PRRX2: variants seen among roughly 807,000 people sequenced by gnomAD.
PRRX2 encodes the protein paired related homeobox 2, also known as paired mesoderm homeobox protein 2.
In PRRX2, 11 loss-of-function variants were observed where a neutral mutation model predicts 18.0. The observed-to-expected ratio is 0.61, with a 90% CI of 0.39 to 1.01. The LOEUF (loss-of-function observed/expected upper bound fraction) is 1.01. PRRX2 is among the 50% of genes least tolerant of loss of function. The pLI is 0.01. For missense variants in PRRX2, 387 were observed against 351.0 expected (o/e 1.10, Z -0.82); for synonymous variants, 177 against 154.8 (o/e 1.14, Z -1.06).
At chr9:129,717,636 CAGTG>C (rs1832726795) in intron 1 of PRRX2, among the ~76,000 whole-genome samples, 1 of 140,476 alleles carries the variant, frequency 7.1e-6, no homozygotes, top group Non-Finnish European at 1.5e-5. Context: ...GCAGAGGTTG[CAGTG>C]AGCCAAGATC....
chr9:129,708,428 T>C (rs1048390625), intron 1 of PRRX2, among the ~76,000 whole-genome samples: 3 of 152,232 alleles, frequency 2.0e-5, no homozygotes, highest in African/African-American at 7.2e-5. Flanking sequence ...GCTGATGATT[T>C]TGAGCGTCTT....
chr9:129,666,157 C>T, intron 1 of PRRX2, 31 bp downstream of exon 1: 2 of 515,492 alleles, frequency 3.9e-6, no homozygotes, highest in African/African-American at 4.5e-5. Flanking sequence ...ACGGGGGTGG[C>T]GGGGCCGGGG....
Position 129,665,965 on chromosome 9 carries a change from A to C in PRRX2, c.98A>C (p.Gln33Pro). 2 of 1,133,328 alleles carry C rather than the reference A, an allele frequency of 1.8e-6. No homozygotes were observed. Among genetic ancestry groups the C allele is most frequent in the Non-Finnish European group, 1.1e-6 (1 of 919,788 alleles). The allele number at this position is 1,133,328 out of a possible 1,614,324, so 70.2% of individuals were successfully genotyped here. ...GCGCTGGGGCCCGGCGACTGCGCCC[A>C]GGCGCGCAAGAACTTCTCGGTGAGC... The part of the protein sequence containing the change: ...PPALGPGDCA[Q>P]ARKNFSVSHL... The change falls in exon 1 of 4, where the codon CAG (glutamine) becomes CCG (proline). Residue 33 changes from glutamine (Q) to proline (P), a missense_variant. Transcript: ENST00000372469. This position sits in a 1 kb window ranked among gnomAD's most constrained non-coding sequence, Gnocchi z 5.3.
chr9:129,684,524 C>CCACACA (rs796482215), intron 1 of PRRX2, among the ~76,000 whole-genome samples: 5 of 45,008 alleles, frequency 1.1e-4, no homozygotes, highest in African/African-American at 3.4e-4. Flanking sequence ...ACACACACAC[C>CCACACA]CACACACACC....
intron 1 of PRRX2, among the ~76,000 whole-genome samples, chr9:129,712,681 C>T (rs1443502378): frequency 6.6e-6 from 1 of 152,146 alleles, no homozygotes; most frequent in Non-Finnish European, 1.5e-5. Flanking sequence ...GAGCTCGTTT[C>T]TCTCCTCTGG....
chr9:129,711,298 T>C (rs1268778003), intron 1 of PRRX2, among the ~76,000 whole-genome samples: 1 of 152,092 alleles, frequency 6.6e-6, no homozygotes, highest in Non-Finnish European at 1.5e-5. Context: ...TGTTCCTCAG[T>C]TTCCTCCTAC....
rs1427786989 is a variant in PRRX2, at chr9:129,695,143, G to A, written c.260-24088G>A. Among the ~76,000 whole-genome samples, 1 of 152,158 alleles carries A rather than the reference G, an allele frequency of 6.6e-6. No individual in the cohort carries two copies. Among genetic ancestry groups the A allele is most frequent in the Non-Finnish European group, 1.5e-5 (1 of 68,028 alleles). Reference sequence around the variant, plus strand: ...AGTGGCTGGACCTGGCCAAGGCCAGGGCCTCATGAAGATCCAGGGTCATTC... The same window carrying A: ...AGTGGCTGGACCTGGCCAAGGCCAGAGCCTCATGAAGATCCAGGGTCATTC... On this transcript the variant is annotated intron_variant, in intron 1 of 3. Coordinates refer to ENST00000372469, the MANE Select transcript of PRRX2 (RefSeq NM_016307.4). This position sits in a 1 kb window ranked among gnomAD's most constrained non-coding sequence, Gnocchi z 4.8.
At position 129,675,526 on chromosome 9, in the gene PRRX2, G is replaced by A. The variant is rs576285738; in HGVS notation, c.259+9400G>A. ...CCCTGCTACCCTCCCTCCCCCATGGGGTCCCCTCAAAGGGCTCTCTTGGGG... is the reference window on the plus strand; with the variant it reads ...CCCTGCTACCCTCCCTCCCCCATGGAGTCCCCTCAAAGGGCTCTCTTGGGG... On this transcript the variant is annotated intron_variant, in intron 1 of 3. Transcript: ENST00000372469. This position sits in a 1 kb window ranked among gnomAD's most constrained non-coding sequence, Gnocchi z 4.4. Among the ~76,000 whole-genome samples, 2 of 151,840 alleles carry A rather than the reference G, an allele frequency of 1.3e-5. No individual in the cohort carries two copies. Among genetic ancestry groups the A allele is most frequent in the East Asian group, 3.9e-4 (2 of 5,112 alleles).
chr9:129,697,320 G>A (rs1451104520), intron 1 of PRRX2, among the ~76,000 whole-genome samples: 2 of 152,082 alleles, frequency 1.3e-5, no homozygotes, highest in East Asian at 3.9e-4. Flanking sequence ...GCTGCGTCCC[G>A]CTCCCCCTCC....
chr9:129,698,259 G>GGGC (rs1832451827), intron 1 of PRRX2, among the ~76,000 whole-genome samples: 1 of 30,512 alleles, frequency 3.3e-5, no homozygotes, highest in Non-Finnish European at 6.5e-5. Context: ...GGATGGGGCG[G>GGGC]GGGGGGGGGG....
intron 1 of PRRX2, among the ~76,000 whole-genome samples, chr9:129,691,915 G>A (rs1314532579): frequency 6.6e-6 from 1 of 150,808 alleles, no homozygotes; most frequent in Admixed American, 6.6e-5. Flanking sequence ...GAGCCATCGT[G>A]CCTGGCCTAG....
At chr9:129,687,323 G>A (rs1832309926) in intron 1 of PRRX2, among the ~76,000 whole-genome samples, 1 of 152,212 alleles carries the variant, frequency 6.6e-6, no homozygotes. Flanking sequence ...TGGCAGGGGT[G>A]TTGTTCAGCG....
intron 1 of PRRX2, among the ~76,000 whole-genome samples, chr9:129,699,852 A>G (rs972083312): frequency 6.6e-6 from 1 of 152,166 alleles, no homozygotes; most frequent in African/African-American, 2.4e-5. Context: ...GGGAGCAGAG[A>G]ACTTGGTCTC....
chr9:129,685,958 G>A (rs942394390), intron 1 of PRRX2, among the ~76,000 whole-genome samples: 1 of 152,202 alleles, frequency 6.6e-6, no homozygotes, highest in Non-Finnish European at 1.5e-5. Flanking sequence ...GACCAGTGAG[G>A]GAAGGGTTCC....
chr9:129,707,252 T>C (rs1243801514), intron 1 of PRRX2, among the ~76,000 whole-genome samples: 1 of 151,994 alleles, frequency 6.6e-6, no homozygotes, highest in Non-Finnish European at 1.5e-5. Flanking sequence ...TGAGTGAGAT[T>C]CTGTCTCAAA....
chr9:129,697,856 T>C (rs1832446978), intron 1 of PRRX2, among the ~76,000 whole-genome samples: 1 of 151,624 alleles, frequency 6.6e-6, no homozygotes, highest in African/African-American at 2.4e-5. Context: ...CCTAAGTTTG[T>C]GCGTAAGATT....
At chr9:129,684,509 C>G (rs1564147410) in intron 1 of PRRX2, among the ~76,000 whole-genome samples, 1 of 53,976 alleles carries the variant, frequency 1.9e-5, no homozygotes, top group African/African-American at 5.7e-5. Context: ...CACACACACA[C>G]ACACACACAC....
rs1832690314 is a variant in PRRX2 at position 129,715,290 on chromosome 9, T to C, written c.260-3941T>C. Among the ~76,000 whole-genome samples, 1 of 152,210 alleles carries C rather than the reference T, an allele frequency of 6.6e-6. No homozygotes were observed. Among genetic ancestry groups the C allele is most frequent in the African/African-American group, 2.4e-5 (1 of 41,452 alleles). ...AATTCATTGACGTGGGGGCCTGTCCTGTGTCTTGAAAGATATTTAGCAAGG... is the reference window on the plus strand; with the variant it reads ...AATTCATTGACGTGGGGGCCTGTCCCGTGTCTTGAAAGATATTTAGCAAGG... On this transcript the variant is annotated intron_variant, in intron 1 of 3. Transcript: ENST00000372469. This position sits in a 1 kb window ranked among gnomAD's most constrained non-coding sequence, Gnocchi z 4.0.
intron 2 of PRRX2, 67 bp downstream of exon 2, chr9:129,719,485 G>T: frequency 2.1e-6 from 3 of 1,406,774 alleles, no homozygotes; most frequent in Non-Finnish European, 2.8e-6. Context: ...CTGTTCACCC[G>T]GGATTACACA....
Sources: gnomAD v4.1 joint callset for allele counts (sites outside exome capture counted in the v4.1 genomes callset) on GRCh38, gnomAD v4.1.1 for gene constraint, Gnocchi (gnomAD v3.1) non-coding constraint, MANE v1.5 for transcripts, NCBI Gene and HGNC (gene_info 2026-07-23, HGNC 2026-07-21) for gene names.